AHI1: variants seen among roughly 807,000 people sequenced by gnomAD.
AHI1 encodes jouberin.
AHI1 carries 123 observed loss-of-function variants against 149.3 expected under a neutral mutation model. The observed-to-expected ratio is 0.82, with a 90% CI of 0.71 to 0.96. AHI1 has a LOEUF of 0.96. Ranked by LOEUF, AHI1 falls within the 40% of genes least tolerant of loss-of-function variation. The probability of loss-of-function intolerance (pLI) is 0.00; values close to 1 mark genes in which losing one functional copy is unlikely to be tolerated. For synonymous variants in AHI1, 475 were observed against 459.8 expected, an observed-to-expected ratio of 1.03 and a Z score of -0.42; for missense variants, 1,439 against 1,422.7, an observed-to-expected ratio of 1.01 and a Z score of -0.18.
At chr6:135,363,678 C>T (rs1794308629) in intron 23 of AHI1, among the ~76,000 whole-genome samples, 2 of 148,668 alleles carry the variant, frequency 1.3e-5, no homozygotes, top group South Asian at 4.2e-4. Context: ...GGGCGGGGGG[C>T]TGACCCCCCC....
chr6:135,394,996 CAT>C, intron 22 of AHI1, 100 bp from the exon 23 acceptor site: 2 of 1,218,024 alleles, frequency 1.6e-6, no homozygotes, highest in Non-Finnish European at 2.3e-6. Context: ...AACCAGGACA[CAT>C]GATAGGTCAA....
chr6:135,459,492 G>A (rs1789518350), intron 8 of AHI1, among the ~76,000 whole-genome samples: 1 of 151,690 alleles, frequency 6.6e-6, no homozygotes, highest in East Asian at 1.9e-4. Flanking sequence ...GGAAAATACA[G>A]TTACAAGAAA....
rs1583490020 is a variant in AHI1, at chr6:135,285,386, A to C, written c.*259T>G. 1.9e-6 allele frequency: 1 copy of C among 525,180 alleles called. No homozygotes were observed. Among genetic ancestry groups the C allele is most frequent in the East Asian group, 3.0e-5 (1 of 33,362 alleles). 32.5% of individuals were successfully genotyped at this position (525,180 alleles called of 1,614,324 possible). A position where few individuals can be genotyped will look rare whatever the true frequency, so the allele number is the denominator to read the frequency against. On this transcript the variant is annotated 3_prime_UTR_variant, in exon 29 of 29. Coordinates refer to ENST00000265602, the MANE Select transcript of AHI1 (RefSeq NM_001134831.2). ...AACACTGGTAATGTAATTATGATGC[A>C]ATTACTAACAATATAAGTACCAATA...
chr6:135,446,914 T>A, intron 13 of AHI1, 94 bp downstream of exon 13: 1 of 1,304,472 alleles, frequency 7.7e-7, no homozygotes, highest in South Asian at 1.9e-5. Flanking sequence ...ATAGCAAGCA[T>A]TTTAAGTAGT....
chr6:135,288,406 G>A (rs918251172), intron 28 of AHI1, among the ~76,000 whole-genome samples: 7 of 151,942 alleles, frequency 4.6e-5, no homozygotes, highest in South Asian at 2.1e-4. Flanking sequence ...GAAACAACAC[G>A]CTGTATTAGA....
chr6:135,376,597 T>A (rs1775947739), intron 23 of AHI1, among the ~76,000 whole-genome samples: 1 of 151,702 alleles, frequency 6.6e-6, no homozygotes, highest in Admixed American at 6.6e-5. Flanking sequence ...AGACAGTGGG[T>A]CGAAGGCCGG....
At chr6:135,354,043 T>C (rs1792570014) in intron 24 of AHI1, among the ~76,000 whole-genome samples, 1 of 152,148 alleles carries the variant, frequency 6.6e-6, no homozygotes, top group South Asian at 2.1e-4. Flanking sequence ...TCATAGTTGG[T>C]ATAATCCTGA....
chr6:135,418,588 T>G (rs1453444512), intron 20 of AHI1, among the ~76,000 whole-genome samples: 1 of 152,118 alleles, frequency 6.6e-6, no homozygotes, highest in Non-Finnish European at 1.5e-5. Flanking sequence ...CACTGCCCTT[T>G]GCATTTGAAG....
intron 23 of AHI1, among the ~76,000 whole-genome samples, chr6:135,391,358 G>T (rs1696232390): frequency 6.6e-6 from 1 of 152,076 alleles, no homozygotes; most frequent in Non-Finnish European, 1.5e-5. Flanking sequence ...AACGGTTTTG[G>T]GATGAAACTA....
At chr6:135,405,640 C>A (rs1274566052) in intron 21 of AHI1, among the ~76,000 whole-genome samples, 2 of 151,946 alleles carry the variant, frequency 1.3e-5, no homozygotes, top group Admixed American at 1.3e-4. Context: ...GCAGGCAGAT[C>A]ACGAGGTCAA....
At chr6:135,292,255 C>T (rs549445953) in intron 27 of AHI1, among the ~76,000 whole-genome samples, 23 of 152,180 alleles carry the variant, frequency 1.5e-4, no homozygotes, top group African/African-American at 5.1e-4. Context: ...TTGTTTACCC[C>T]GTCGTGTCTA....
At chr6:135,427,132 C>T (rs1784016262) in intron 20 of AHI1, 35 bp downstream of exon 20, 1 of 1,591,332 alleles carries the variant, frequency 6.3e-7, no homozygotes, top group East Asian at 2.3e-5. Context: ...AAAGGTTACT[C>T]TAAAAATTCT....
At chr6:135,331,227 G>A (rs1788545956) in intron 24 of AHI1, among the ~76,000 whole-genome samples, 1 of 152,224 alleles carries the variant, frequency 6.6e-6, no homozygotes, top group Non-Finnish European at 1.5e-5. Context: ...AAAGACACGA[G>A]CTAATATGTC....
chr6:135,466,330 G>A lies in AHI1; in HGVS notation c.233C>T (p.Thr78Ile). 1.2e-6 allele frequency: 2 copies of A among 1,613,856 alleles called. No individual in the cohort carries two copies. The highest frequency in any genetic ancestry group is 1.7e-6 in the Non-Finnish European group (2 of 1,179,834). ...GTTAGCAGCACTTACATCATCACTT[G>A]TAGTTTCTTTAATATGGGGAAGATT... is the stretch of plus-strand genomic sequence containing the variant. ...RSNLPHIKET[T>I]SDDVSAANTN... The change falls in exon 7 of 29, where the codon ACA becomes ATA. Residue 78 changes from threonine to isoleucine, a missense_variant. Coordinates refer to ENST00000265602, the MANE Select transcript of AHI1 (RefSeq NM_001134831.2).
In AHI1 at chr6:135,455,768, G is replaced by A. The variant is rs372919026; in HGVS notation, c.1310C>T (p.Ser437Phe). The change falls in exon 10 of 29, where the codon TCT becomes TTT. Residue 437 changes from serine (S) to phenylalanine (F), a missense_variant. Physicochemically the swap from Ser to Phe is radical, Grantham distance 155 (BLOSUM62 -2). Coordinates refer to ENST00000265602, the MANE Select transcript of AHI1 (RefSeq NM_001134831.2). Reference sequence around the variant, plus strand: ...CAGGATGACTTTAGGACTCTCATCAGAGCCTCGAAGCAAATAGGGAAAATT... The same window carrying A: ...CAGGATGACTTTAGGACTCTCATCAAAGCCTCGAAGCAAATAGGGAAAATT... ...NENFPYLLRG[S>F]DESPKVILFF... The A allele has an allele frequency of 2.5e-6, 4 of 1,603,878 alleles. No individual in the cohort carries two copies. In the African/African-American group the frequency reaches 4.0e-5, roughly 16 times the overall value.
intron 5 of AHI1, among the ~76,000 whole-genome samples, chr6:135,480,891 G>A (rs1231977590): frequency 6.6e-6 from 1 of 152,168 alleles, no homozygotes; most frequent in Non-Finnish European, 1.5e-5. Context: ...AAATGACGCA[G>A]GCAAGAGACC....
chr6:135,287,798 T>G (rs1012619963), intron 28 of AHI1, among the ~76,000 whole-genome samples: 6 of 150,780 alleles, frequency 4.0e-5, no homozygotes, highest in African/African-American at 1.5e-4. Flanking sequence ...ATAAGATTCA[T>G]AAAAATACCG....
intron 8 of AHI1, among the ~76,000 whole-genome samples, chr6:135,458,820 A>G (rs1360383173): frequency 1.3e-5 from 2 of 152,208 alleles, no homozygotes; most frequent in Non-Finnish European, 2.9e-5. Context: ...GCTAAGTGGA[A>G]AAGCACTGAA....
chr6:135,336,419 G>A (rs1363846187), intron 24 of AHI1, among the ~76,000 whole-genome samples: 2 of 151,962 alleles, frequency 1.3e-5, no homozygotes, highest in Non-Finnish European at 2.9e-5. Flanking sequence ...ACAACATGGT[G>A]AAACCCTGTC....
Sources: allele counts gnomAD v4.1 joint callset (sites outside exome capture counted in the v4.1 genomes callset), GRCh38; gene constraint gnomAD v4.1.1; transcripts MANE v1.5; gene names NCBI Gene and HGNC (gene_info 2026-07-23, HGNC 2026-07-21).